Variants in ABCB7 observed in about 807,000 individuals in gnomAD.
ABCB7 encodes the protein ATP binding cassette subfamily B member 7, also known as iron-sulfur clusters transporter ABCB7, mitochondrial.
A neutral mutation model predicts 54.4 loss-of-function variants in ABCB7; 7 were observed. The ratio of observed to expected loss-of-function variants is 0.13; its 90% CI spans 0.07 to 0.24. The LOEUF (loss-of-function observed/expected upper bound fraction) is 0.24, where lower values mean the gene tolerates loss of function less well. Ranked by LOEUF, ABCB7 falls within the 10% of genes least tolerant of loss-of-function variation. ABCB7 has a pLI of 1.00. For synonymous variants in ABCB7, 218 were observed against 207.1 expected, an observed-to-expected ratio of 1.05 and a Z score of -0.45; for missense variants, 356 against 570.4, an observed-to-expected ratio of 0.62 and a Z score of 3.83.
chrX:75,059,648 A>T (rs1049518621), intron 15 of ABCB7, among the ~76,000 whole-genome samples: 5 of 111,020 alleles, frequency 4.5e-5, no homozygotes, highest in African/African-American at 1.6e-4. Context: ...AAATTATTGC[A>T]ATTTTCAAAT....
intron 4 of ABCB7, among the ~76,000 whole-genome samples, chrX:75,081,113 A>G (rs1457798269): frequency 3.6e-5 from 4 of 111,982 alleles, no homozygotes; most frequent in African/African-American, 1.3e-4. Context: ...GAAGATTTAC[A>G]TAAGATTCAG....
At chrX:75,092,737 A>T (rs913436548) in intron 4 of ABCB7, among the ~76,000 whole-genome samples, 52 of 112,006 alleles carry the variant, frequency 4.6e-4, no homozygotes, top group African/African-American at 1.6e-3. Context: ...AATCAAATTT[A>T]AAAATGGGCA....
intron 1 of ABCB7, among the ~76,000 whole-genome samples, chrX:75,115,266 C>CAAAAAAAAAAAAAA (rs1160024642): frequency 1.7e-3 from 23 of 13,241 alleles, no homozygotes; most frequent in Non-Finnish European, 2.1e-3. Flanking sequence ...GACTCTGTCT[C>CAAAAAAAAAAAAAA]AAAAAAAAAA....
At chrX:75,064,246 T>C (rs2081301717) in intron 13 of ABCB7, among the ~76,000 whole-genome samples, 2 of 111,780 alleles carry the variant, frequency 1.8e-5, no homozygotes, top group South Asian at 7.5e-4. Context: ...TCATTTAGCA[T>C]AGTAGCTTGC....
At chrX:75,129,740 T>C (rs2081961963) in intron 1 of ABCB7, among the ~76,000 whole-genome samples, 1 of 109,735 alleles carries the variant, frequency 9.1e-6, no homozygotes, top group Non-Finnish European at 1.9e-5. Context: ...GGGTAGTTAG[T>C]ATTTTACCAC....
At chrX:75,094,019 C>CATATACAT (rs1555949284) in intron 4 of ABCB7, among the ~76,000 whole-genome samples, 34 of 45,989 alleles carry the variant, frequency 7.4e-4, no homozygotes, top group African/African-American at 2.7e-3. Context: ...CTGTTATATA[C>CATATACAT]ATATATATAT....
chrX:75,121,455 CTTG>C (rs1321698907), intron 1 of ABCB7, among the ~76,000 whole-genome samples: 1 of 111,672 alleles, frequency 9.0e-6, no homozygotes, highest in Admixed American at 9.5e-5. Flanking sequence ...CTATGGTATA[CTTG>C]TTGTTATATT....
At chrX:75,155,910 C>G (rs2082171558) in intron 1 of ABCB7, among the ~76,000 whole-genome samples, 195 bp downstream of exon 1, 2 of 111,317 alleles carry the variant, frequency 1.8e-5, no homozygotes, top group Non-Finnish European at 3.8e-5. Flanking sequence ...CCCCGTTTCC[C>G]TTTGCTGAAC....
intron 1 of ABCB7, among the ~76,000 whole-genome samples, chrX:75,138,527 C>A (rs973528872): frequency 2.7e-5 from 3 of 111,830 alleles, no homozygotes; most frequent in African/African-American, 9.8e-5. Context: ...AATGAAGAAA[C>A]ACCTTCTATA....
At chrX:75,054,553 T>C (rs1290499133) in intron 15 of ABCB7, among the ~76,000 whole-genome samples, 1 of 110,938 alleles carries the variant, frequency 9.0e-6, no homozygotes, top group African/African-American at 3.3e-5. Context: ...GTCTTTTAAT[T>C]CTCCTAGACT....
At chrX:75,146,513 C>T (rs988629155) in intron 1 of ABCB7, among the ~76,000 whole-genome samples, 1 of 111,443 alleles carries the variant, frequency 9.0e-6, no homozygotes, top group Non-Finnish European at 1.9e-5. Context: ...AGAAATAAGG[C>T]CTAACACCTA....
chrX:75,122,544 G>GA (rs1322036780), intron 1 of ABCB7, among the ~76,000 whole-genome samples: 1 of 112,151 alleles, frequency 8.9e-6, no homozygotes, highest in Admixed American at 9.4e-5. Flanking sequence ...AATAGAAGAG[G>GA]AATTTCTGGA....
At chrX:75,144,036 T>C (rs1230143066) in intron 1 of ABCB7, among the ~76,000 whole-genome samples, 1 of 111,747 alleles carries the variant, frequency 8.9e-6, no homozygotes, top group Non-Finnish European at 1.9e-5. Context: ...CTTTCCATGA[T>C]ACAAGAATAC....
intron 6 of ABCB7, 28 bp downstream of exon 6, chrX:75,075,334 A>T (rs1183045582): frequency 8.4e-7 from 1 of 1,196,626 alleles, no homozygotes; most frequent in Non-Finnish European, 1.1e-6. Flanking sequence ...TTAAGATAAA[A>T]GCTTGTTATG....
chrX:75,070,145 A>C (rs1230846540), intron 10 of ABCB7, among the ~76,000 whole-genome samples: 1 of 111,352 alleles, frequency 9.0e-6, no homozygotes, highest in Admixed American at 9.6e-5. Context: ...AAATGCTGGG[A>C]TTACAGGAGT....
intron 1 of ABCB7, among the ~76,000 whole-genome samples, chrX:75,125,137 A>T (rs1455359496): frequency 8.9e-6 from 1 of 111,912 alleles, no homozygotes; most frequent in East Asian, 2.8e-4. Flanking sequence ...CATATAAGAT[A>T]GCATTTTCAT....
Position 75,051,550 on chromosome X carries a change from C to G in ABCB7, c.*1820G>C, listed in dbSNP as rs768286997. The G allele has an allele frequency of 2.8e-3, 318 of 112,349 alleles. 1 individual carries two copies. The highest frequency in any genetic ancestry group is 9.3e-3 in the African/African-American group (287 of 31,007). 9.3% of individuals were successfully genotyped at this position (112,349 alleles called of 1,213,427 possible). A position where few individuals can be genotyped will look rare whatever the true frequency, so the allele number is the denominator to read the frequency against. On this transcript the variant is annotated 3_prime_UTR_variant, in exon 16 of 16. Transcript: ENST00000373394. ...TCATACTGGAAAAGAGAAGAACTTT[C>G]TAAGTGAATGTATAGCAATATTTTA...
At chrX:75,109,176 T>C (rs143645037) in intron 3 of ABCB7, among the ~76,000 whole-genome samples, 3,236 of 112,130 alleles carry the variant, frequency 0.029, 116 homozygotes, top group African/African-American at 0.1. Context: ...ACAGTGTGAT[T>C]TGAGGAAGAG....
chrX:75,073,922 G>A lies in ABCB7; in HGVS notation c.890C>T (p.Thr297Ile). 1 of 1,210,177 alleles carries A rather than the reference G, an allele frequency of 8.3e-7. No homozygotes were observed. The highest frequency in any genetic ancestry group is 1.8e-5 in the South Asian group (1 of 56,971). ...TGTGTATGTACCAAGTGTTCCAAGG[G>A]TTACCAAAGCAAACTGGGCACCGCA... ...YKCGAQFALV[T>I]LGTLGTYTAF... The change falls in exon 7 of 16, where the codon ACC becomes ATC. Residue 297 changes from threonine to isoleucine, a missense_variant. Coordinates refer to ENST00000373394, the MANE Select transcript of ABCB7 (RefSeq NM_001271696.3).
Sources: gnomAD v4.1 joint callset for allele counts (sites outside exome capture counted in the v4.1 genomes callset) on GRCh38, gnomAD v4.1.1 for gene constraint, MANE v1.5 for transcripts, NCBI Gene and HGNC (gene_info 2026-07-23, HGNC 2026-07-21) for gene names.